The following INPP5A variants were observed in gnomAD, a reference collection of about 807,000 sequenced individuals.
The protein encoded by INPP5A is 43 kDa inositol polyphosphate 5-phophatase.
Under a neutral mutation model 65.2 loss-of-function variants are expected in INPP5A, and 14 were observed. The observed-to-expected ratio is 0.21, with a 90% confidence interval of 0.14 to 0.34. INPP5A has a LOEUF of 0.34. Among genes scored for constraint, INPP5A ranks in the 10% least tolerant of loss-of-function variants. The pLI, the probability that INPP5A is intolerant of heterozygous loss-of-function variation, is 1.00. For missense variants in INPP5A, 431 were observed against 545.6 expected (o/e 0.79, Z 2.09); for synonymous variants, 207 against 208.3 (o/e 0.99, Z 0.05).
chr10:132,738,339 G>A (rs1461214317), intron 9 of INPP5A, among the ~76,000 whole-genome samples: 4 of 152,208 alleles, frequency 2.6e-5, no homozygotes, highest in African/African-American at 9.6e-5. Flanking sequence ...CTAGCAATCA[G>A]TGGCTCTGAC....
intron 9 of INPP5A, among the ~76,000 whole-genome samples, chr10:132,728,786 C>T (rs528093581): frequency 1.1e-4 from 16 of 152,336 alleles, no homozygotes; most frequent in African/African-American, 3.6e-4. Flanking sequence ...TGGTCCTGGC[C>T]GGGTCAGAGC....
chr10:132,746,971 G>T (rs1227919930), intron 9 of INPP5A, among the ~76,000 whole-genome samples: 1 of 152,222 alleles, frequency 6.6e-6, no homozygotes, highest in Non-Finnish European at 1.5e-5. Context: ...GTTTGGGGTG[G>T]CCGGCCCCTT....
rs543260338 is a variant in INPP5A at position 132,558,332 on chromosome 10, G to A, written c.75+20161G>A. ...CCCCCGGCCCACGCTCTCCTGAGAGGCCACTCGCTCCGGGGCTAATCATGG... is the reference window on the plus strand; with the variant it reads ...CCCCCGGCCCACGCTCTCCTGAGAGACCACTCGCTCCGGGGCTAATCATGG... On this transcript the variant is annotated intron_variant, in intron 1 of 15. Transcript: ENST00000368594. Among the ~76,000 whole-genome samples, 533 of 152,336 alleles carry A rather than the reference G, an allele frequency of 3.5e-3. 1 individual carries two copies. The highest frequency in any genetic ancestry group is 5.5e-3 in the Non-Finnish European group (377 of 68,020).
Position 132,676,067 on chromosome 10 carries a change from A to T in INPP5A, c.307-14325A>T, listed in dbSNP as rs764623007. Among the ~76,000 whole-genome samples, 1 of 152,264 alleles carries T rather than the reference A, an allele frequency of 6.6e-6. No homozygotes were observed. Among genetic ancestry groups the T allele is most frequent in the Non-Finnish European group, 1.5e-5 (1 of 68,038 alleles). On this transcript the variant is annotated intron_variant, in intron 4 of 15. Transcript: ENST00000368594. The surrounding 1 kb of genome is among the most constrained non-coding windows in gnomAD (Gnocchi z 4.0). ...CATAAAAGTTTATTGATTTACTTGT[A>T]TAATCATTTATACGTAGAAAAATAT...
In INPP5A at chr10:132,780,908, A is replaced by G; in HGVS notation, c.1149A>G (p.Gly383=). 1 of 1,597,814 alleles carries G rather than the reference A, an allele frequency of 6.3e-7. No homozygotes were observed. The highest frequency in any genetic ancestry group is 8.5e-7 in the Non-Finnish European group (1 of 1,170,940). ...ACATTGGGCCCAACGTCTGCATGGGAGACCACAAGGTGACATAGACTGAGG... is the reference window on the plus strand; with the variant it reads ...ACATTGGGCCCAACGTCTGCATGGGGGACCACAAGGTGACATAGACTGAGG... The part of the protein sequence containing the change: ...YDHIGPNVCM[G]DHKPVFLAFR... Residue 383 remains glycine (G), a synonymous_variant, in exon 14 of 16, where the codon GGA becomes GGG. Transcript: ENST00000368594.
rs1424162229 is a variant in INPP5A, at chr10:132,782,387, A to AC, written c.*364dup. On this transcript the variant is annotated 3_prime_UTR_variant, in exon 16 of 16. Coordinates refer to ENST00000368594, the MANE Select transcript of INPP5A (RefSeq NM_005539.5). This position sits in a 1 kb window ranked among gnomAD's most constrained non-coding sequence, Gnocchi z 4.4. The stretch of plus-strand genomic sequence containing the variant: ...GTGGAGGGGCTTCTTCAGCACAGAG[A>AC]CCCCCCACTGTGTCCAGGGACCCCC... 7 of 299,568 alleles carry AC rather than the reference A, an allele frequency of 2.3e-5. No homozygotes were observed. The highest frequency in any genetic ancestry group is 4.8e-5 in the Admixed American group (1 of 20,692). 18.6% of individuals were successfully genotyped at this position (299,568 alleles called of 1,614,324 possible).
chr10:132,599,890 C>A (rs1434437007), intron 1 of INPP5A, among the ~76,000 whole-genome samples: 1 of 152,188 alleles, frequency 6.6e-6, no homozygotes, highest in African/African-American at 2.4e-5. Flanking sequence ...GTATGTTGGC[C>A]CCTTTTAGCC....
At position 132,741,304 on chromosome 10, in the gene INPP5A, G is replaced by T. The variant is rs1287518592; in HGVS notation, c.733-8213G>T. ...GTCTTGGGTTGACAGCATGAGATGG[G>T]CTGGCCAGATCTCCGCAGCCTAACA... On this transcript the variant is annotated intron_variant, in intron 9 of 15. Transcript: ENST00000368594. This position sits in a 1 kb window ranked among gnomAD's most constrained non-coding sequence, Gnocchi z 4.4. Among the ~76,000 whole-genome samples the T allele has an allele frequency of 6.6e-6, 1 of 152,184 alleles. No homozygotes were observed. The highest frequency in any genetic ancestry group is 2.4e-5 in the African/African-American group (1 of 41,450).
intron 2 of INPP5A, among the ~76,000 whole-genome samples, chr10:132,631,373 C>G (rs1013664626): frequency 1.3e-5 from 2 of 152,188 alleles, no homozygotes; most frequent in Admixed American, 1.3e-4. Flanking sequence ...CCGAAGGGAC[C>G]TGGAGAGGAG....
chr10:132,701,346 G>A (rs1032560173), intron 6 of INPP5A, among the ~76,000 whole-genome samples: 1 of 152,232 alleles, frequency 6.6e-6, no homozygotes, highest in Non-Finnish European at 1.5e-5. Context: ...CCTCGGGAGA[G>A]CGGAGCCACG....
intron 1 of INPP5A, among the ~76,000 whole-genome samples, chr10:132,600,407 C>T (rs1313178452): frequency 6.6e-6 from 1 of 152,240 alleles, no homozygotes; most frequent in Non-Finnish European, 1.5e-5. Flanking sequence ...ACAAGTTCCT[C>T]ATCTCTATCT....
chr10:132,594,120 T>G (rs2071653042), intron 1 of INPP5A, among the ~76,000 whole-genome samples: 1 of 152,200 alleles, frequency 6.6e-6, no homozygotes, highest in Admixed American at 6.5e-5. Context: ...GGTTTCCCTT[T>G]TGCACATACG....
intron 1 of INPP5A, among the ~76,000 whole-genome samples, chr10:132,570,349 C>T (rs1190277085): frequency 6.6e-6 from 1 of 152,194 alleles, no homozygotes; most frequent in Non-Finnish European, 1.5e-5. Flanking sequence ...CTGTGGATGC[C>T]CCGTGGGCAC....
intron 4 of INPP5A, among the ~76,000 whole-genome samples, chr10:132,658,875 A>G (rs1025236284): frequency 1.3e-5 from 2 of 152,068 alleles, no homozygotes; most frequent in African/African-American, 4.8e-5. Context: ...CGGTGGCTCC[A>G]TGCACCCGGC....
intron 3 of INPP5A, among the ~76,000 whole-genome samples, chr10:132,648,199 G>A (rs2072524289): frequency 6.6e-6 from 1 of 152,252 alleles, no homozygotes; most frequent in Non-Finnish European, 1.5e-5. Context: ...AGAAAGTGGG[G>A]GTGCACCCTG....
At chr10:132,584,902 T>G (rs2071528813) in intron 1 of INPP5A, among the ~76,000 whole-genome samples, 2 of 152,150 alleles carry the variant, frequency 1.3e-5, no homozygotes, top group Admixed American at 6.6e-5. Context: ...GCTTTTAATT[T>G]TTTTGTAGAG....
rs146736180 is a variant in INPP5A at position 132,765,835 on chromosome 10, G to C, written c.966G>C (p.Ser322=). 107 of 1,597,604 alleles carry C rather than the reference G, an allele frequency of 6.7e-5. No homozygotes were observed. Among genetic ancestry groups the C allele is most frequent in the Non-Finnish European group, 8.6e-5 (100 of 1,165,194 alleles). ...ACAGACTGTATGAACTGGACATCTCGTTCCCTCCCAGGTATGGAACATGCT... is the reference window on the plus strand; with the variant it reads ...ACAGACTGTATGAACTGGACATCTCCTTCCCTCCCAGGTATGGAACATGCT... ...FKDRLYELDI[S]FPPSYPYSED... The change falls in exon 12 of 16, where the codon TCG becomes TCC. Residue 322 remains serine, a synonymous_variant. Coordinates refer to ENST00000368594, the MANE Select transcript of INPP5A (RefSeq NM_005539.5).
At chr10:132,601,977 T>G (rs117062781) in intron 1 of INPP5A, among the ~76,000 whole-genome samples, 2,302 of 152,322 alleles carry the variant, frequency 0.015, 32 homozygotes, top group South Asian at 0.039. Flanking sequence ...CATATGAATT[T>G]TAGCGTGGAC....
chr10:132,669,321 G>A (rs532654092), intron 4 of INPP5A, among the ~76,000 whole-genome samples: 56 of 152,334 alleles, frequency 3.7e-4, no homozygotes, highest in Non-Finnish European at 6.3e-4. Flanking sequence ...CCCCGTGAGC[G>A]CCAGGTGTTG....
Sources: allele counts gnomAD v4.1 joint callset (sites outside exome capture counted in the v4.1 genomes callset), GRCh38; gene constraint gnomAD v4.1.1; non-coding constraint Gnocchi (gnomAD v3.1); transcripts MANE v1.5; gene names NCBI Gene and HGNC (gene_info 2026-07-23, HGNC 2026-07-21).